ANK3: variants seen among roughly 807,000 people sequenced by gnomAD.
The protein encoded by ANK3 is ankyrin 3.
Under a neutral mutation model 370.9 loss-of-function variants are expected in ANK3, and 57 were observed. The ratio of observed to expected loss-of-function variants is 0.15; its 90% CI spans 0.12 to 0.19. ANK3 has a LOEUF of 0.19. Ranked by LOEUF, ANK3 falls within the 10% of genes least tolerant of loss-of-function variation. The probability of loss-of-function intolerance (pLI) is 1.00; values close to 1 mark genes in which losing one functional copy is unlikely to be tolerated. For missense variants in ANK3, 4,439 were observed against 5,302.1 expected (o/e 0.84, Z 5.06); for synonymous variants, 1,929 against 1,946.3 (o/e 0.99, Z 0.23).
chr10:60,667,946 T>A (rs7092321), intron 1 of ANK3, among the ~76,000 whole-genome samples: 8,465 of 151,498 alleles, frequency 0.056, 525 homozygotes, highest in African/African-American at 0.1. Flanking sequence ...CTTGCTTGGG[T>A]TCAGATTGCT....
intron 2 of ANK3, among the ~76,000 whole-genome samples, chr10:60,487,743 T>C (rs954772499): frequency 7.2e-6 from 1 of 139,254 alleles, no homozygotes; most frequent in Non-Finnish European, 1.6e-5. Flanking sequence ...AGACAGAGTC[T>C]CGCTCTTGTT....
At chr10:60,476,844 A>T (rs2075078518) in intron 2 of ANK3, among the ~76,000 whole-genome samples, 1 of 152,210 alleles carries the variant, frequency 6.6e-6, no homozygotes, top group Non-Finnish European at 1.5e-5. Flanking sequence ...ATTGGATTAC[A>T]GGTACTAAAT....
chr10:60,409,328 T>C (rs921304686), intron 2 of ANK3, among the ~76,000 whole-genome samples: 4 of 152,150 alleles, frequency 2.6e-5, no homozygotes, highest in Admixed American at 1.3e-4. Context: ...TTCCCACCAA[T>C]TGGAATTGGT....
chr10:60,146,571 C>T (rs1349107736), intron 23 of ANK3, among the ~76,000 whole-genome samples: 2 of 152,174 alleles, frequency 1.3e-5, no homozygotes, highest in African/African-American at 2.4e-5. Context: ...TCACTGCAAC[C>T]TCTGCCTACT....
At chr10:60,692,783 A>C (rs955393148) in intron 1 of ANK3, among the ~76,000 whole-genome samples, 2 of 152,226 alleles carry the variant, frequency 1.3e-5, no homozygotes, top group African/African-American at 2.4e-5. Flanking sequence ...GCAGAAGGAG[A>C]GCAAAATTCA....
At chr10:60,318,827 C>G (rs1387267488) in intron 1 of ANK3, among the ~76,000 whole-genome samples, 1 of 152,134 alleles carries the variant, frequency 6.6e-6, no homozygotes, top group African/African-American at 2.4e-5. Flanking sequence ...TGATAGGATA[C>G]TTAAATAACT....
intron 4 of ANK3, among the ~76,000 whole-genome samples, chr10:60,278,280 A>G (rs1455925017): frequency 6.6e-6 from 1 of 152,228 alleles, no homozygotes; most frequent in Non-Finnish European, 1.5e-5. Flanking sequence ...ATTTGTGTCT[A>G]TGACTAGTAT....
At chr10:60,605,608 G>A (rs916536512) in intron 2 of ANK3, among the ~76,000 whole-genome samples, 2 of 152,110 alleles carry the variant, frequency 1.3e-5, no homozygotes, top group African/African-American at 4.8e-5. Flanking sequence ...AAGGAACAAA[G>A]CTTGCTTGCT....
Position 60,299,653 on chromosome 10 carries a change from A to T in ANK3, c.115-20014T>A, listed in dbSNP as rs572358712. ...GAATCCCTCAGAATCAAATACTTCAAAATTTCACAAACATAAAGCAAATAT... is the reference window on the plus strand; with the variant it reads ...GAATCCCTCAGAATCAAATACTTCATAATTTCACAAACATAAAGCAAATAT... On this transcript the variant is annotated intron_variant, in intron 1 of 43. Coordinates refer to ENST00000280772, the MANE Select transcript of ANK3 (RefSeq NM_020987.5). Among the ~76,000 whole-genome samples the T allele has an allele frequency of 9.8e-5, 15 of 152,310 alleles. No homozygotes were observed. In the South Asian group the frequency reaches 3.1e-3, roughly 32 times the overall value.
intron 2 of ANK3, among the ~76,000 whole-genome samples, chr10:60,396,312 G>A (rs1420053616): frequency 6.6e-6 from 1 of 152,148 alleles, no homozygotes; most frequent in African/African-American, 2.4e-5. Context: ...AATAAATCAA[G>A]ACAGTGAGGA....
At chr10:60,714,242 A>G (rs771293151) in intron 1 of ANK3, among the ~76,000 whole-genome samples, 13 of 152,224 alleles carry the variant, frequency 8.5e-5, no homozygotes, top group Non-Finnish European at 1.5e-4. Flanking sequence ...AAGACATTGA[A>G]TCAATAATTA....
At chr10:60,262,534 T>C (rs2097822874) in intron 6 of ANK3, among the ~76,000 whole-genome samples, 1 of 152,198 alleles carries the variant, frequency 6.6e-6, no homozygotes, top group African/African-American at 2.4e-5. Flanking sequence ...GGATTGTTCA[T>C]ACCAAGGTCA....
At chr10:60,693,921 G>A (rs948736124) in intron 1 of ANK3, among the ~76,000 whole-genome samples, 2 of 152,144 alleles carry the variant, frequency 1.3e-5, no homozygotes, top group African/African-American at 4.8e-5. Flanking sequence ...CGAGCTGAGA[G>A]AAGAAGGCTT....
At chr10:60,107,194 T>G (rs991763971) in intron 27 of ANK3, among the ~76,000 whole-genome samples, 1 of 152,228 alleles carries the variant, frequency 6.6e-6, no homozygotes, top group Admixed American at 6.5e-5. Flanking sequence ...ATTTTTATAA[T>G]GCCTTTATTC....
chr10:60,409,522 AAATG>A (rs892175382), intron 2 of ANK3, among the ~76,000 whole-genome samples: 8 of 152,226 alleles, frequency 5.3e-5, no homozygotes, highest in African/African-American at 1.7e-4. Context: ...TAAAAAAAGA[AAATG>A]AAGCTTACAA....
intron 23 of ANK3, among the ~76,000 whole-genome samples, chr10:60,152,488 A>T (rs2095175530): frequency 6.6e-6 from 1 of 152,214 alleles, no homozygotes; most frequent in Non-Finnish European, 1.5e-5. Context: ...AGGATGAAAT[A>T]AAAAAGCATA....
At chr10:60,500,935 A>G (rs1310101863) in intron 2 of ANK3, among the ~76,000 whole-genome samples, 1 of 152,326 alleles carries the variant, frequency 6.6e-6, no homozygotes, top group African/African-American at 2.4e-5. Flanking sequence ...AAATATTACC[A>G]TTTGCAAAGT....
At chr10:60,154,109 T>G (rs2132257666) in intron 23 of ANK3, among the ~76,000 whole-genome samples, 1 of 152,328 alleles carries the variant, frequency 6.6e-6, no homozygotes, top group Admixed American at 6.5e-5. Flanking sequence ...ATACAAGCAA[T>G]TATGTAACAT....
intron 2 of ANK3, among the ~76,000 whole-genome samples, chr10:60,558,463 C>T (rs937410062): frequency 6.6e-6 from 1 of 152,160 alleles, no homozygotes; most frequent in South Asian, 2.1e-4. Flanking sequence ...CCTTGCAGCA[C>T]ACTACCTCTT....
Sources: allele counts gnomAD v4.1 joint callset (sites outside exome capture counted in the v4.1 genomes callset), GRCh38; gene constraint gnomAD v4.1.1; transcripts MANE v1.5; gene names NCBI Gene and HGNC (gene_info 2026-07-23, HGNC 2026-07-21).